COG8: variants seen among roughly 807,000 people sequenced by gnomAD.
The protein encoded by COG8 is component of oligomeric golgi complex 8, also known as conserved oligomeric Golgi complex subunit 8.
COG8 carries 45 observed loss-of-function variants against 46.5 expected under a neutral mutation model. The observed-to-expected ratio is 0.97, with a 90% CI of 0.76 to 1.24. The LOEUF is 1.24. Among genes scored for constraint, COG8 ranks in the 50% most tolerant of loss-of-function variants. COG8 has a pLI of 0.00. For synonymous variants in COG8, 407 were observed against 347.8 expected (o/e 1.17, Z -1.90); for missense variants, 793 against 820.8 (o/e 0.97, Z 0.41).
rs530859074 is a variant in COG8, at chr16:69,335,108, C to T, written c.826G>A (p.Glu276Lys). ...DPYFHITKTIEASRVHLFDII... is the reference protein window; with the variant it reads ...DPYFHITKTIKASRVHLFDII... ...TCAAAGAGATGGACACGGGAGGCCT[C>T]GATGGTTTTTGTAATATGGAAATAG... Residue 276 changes from glutamate (E) to lysine (K), a missense_variant, in exon 3 of 6, where the codon GAG becomes AAG. Coordinates refer to ENST00000306875, the MANE Select transcript of COG8 (RefSeq NM_032382.5). 16 of 1,614,022 alleles carry T rather than the reference C, an allele frequency of 9.9e-6. No individual in the cohort carries two copies. In the South Asian group the frequency reaches 1.1e-4, roughly 11 times the overall value.
intron 5 of COG8, 72 bp from the exon 6 acceptor site, chr16:69,329,251 C>T (rs951793286): frequency 7.7e-6 from 11 of 1,429,194 alleles, no homozygotes; most frequent in African/African-American, 1.5e-5. Flanking sequence ...CCTACCCCTG[C>T]CCCCGGTCCT....
Position 69,327,936 on chromosome 16 carries a change from A to C in COG8, c.*1270T>G, listed in dbSNP as rs1468915573. 2 of 152,094 alleles carry C rather than the reference A, an allele frequency of 1.3e-5. No homozygotes were observed. Among genetic ancestry groups the C allele is most frequent in the Non-Finnish European group, 2.9e-5 (2 of 68,020 alleles). 9.4% of individuals were successfully genotyped at this position (152,094 alleles called of 1,614,324 possible). On this transcript the variant is annotated 3_prime_UTR_variant, in exon 6 of 6. Transcript: ENST00000306875. ...ACTTTTTTTTTTTGAGACAGAGAAA[A>C]AAAGAAAACTCTACAGCCAGAATCA...
At chr16:69,329,244 A>C (rs1597219078) in intron 5 of COG8, 65 bp from the exon 6 acceptor site, 3 of 1,448,000 alleles carry the variant, frequency 2.1e-6, no homozygotes, top group Admixed American at 2.8e-5. Flanking sequence ...CAACCTCCCT[A>C]CCCCTGCCCC....
rs2011773177 is a variant in COG8, at chr16:69,330,903, C to A, written c.1775G>T (p.Gly592Val). 1 of 1,552,396 alleles carries A rather than the reference C, an allele frequency of 6.4e-7. No individual in the cohort carries two copies. The change falls in exon 5 of 6, where the codon GGC (glycine) becomes GTC (valine). Residue 592 changes from glycine to valine, a missense_variant. Transcript: ENST00000306875. Reference protein sequence around the residue: ...PAEEPRLEPAGPACPEGGRAE... With the variant: ...PAEEPRLEPAVPACPEGGRAE... ...TCGCCCTCCCTCCGGGCAGGCTGGG[C>A]CCGCGGGCTCCAGGCGTGGCTCCTC...
intron 1 of COG8, chr16:69,338,180 G>C (rs987398745): frequency 2.0e-5 from 3 of 151,568 alleles, no homozygotes; most frequent in African/African-American, 7.3e-5. Context: ...GGGCCCAACT[G>C]ACCCCCCCAC....
chr16:69,329,310 C>T (rs1452198703), intron 5 of COG8, 131 bp from the exon 6 acceptor site: 2 of 951,048 alleles, frequency 2.1e-6, no homozygotes, highest in Non-Finnish European at 2.9e-6. Flanking sequence ...ATGTAGACAG[C>T]AGCTCCTCTT....
At chr16:69,329,766 G>A (rs1000204668) in intron 5 of COG8, among the ~76,000 whole-genome samples, 1 of 152,260 alleles carries the variant, frequency 6.6e-6, no homozygotes, top group Non-Finnish European at 1.5e-5. Context: ...CAGACGCCAG[G>A]CTGTCAGGTA....
rs1244051339 is a variant in COG8, at chr16:69,334,788, T to C, written c.1146A>G (p.Ala382=). ...QRVAISTFQK[A]IQETVEKFQE... ...GGAATTTCTCCACTGTTTCCTGAAT[T>C]GCTTTCTGGAAAGTGCTGATGGCCA... The change falls in exon 3 of 6, where the codon GCA becomes GCG. Residue 382 remains alanine, a synonymous_variant. Coordinates refer to ENST00000306875, the MANE Select transcript of COG8 (RefSeq NM_032382.5). 6.2e-7 allele frequency: 1 copy of C among 1,614,164 alleles called. No homozygotes were observed. Among genetic ancestry groups the C allele is most frequent in the Admixed American group, 1.7e-5 (1 of 60,036 alleles).
chr16:69,339,199 C>G lies in COG8; in HGVS notation c.354G>C (p.Leu118Phe), dbSNP rs376229451. 1 of 1,612,832 alleles carries G rather than the reference C, an allele frequency of 6.2e-7. No homozygotes were observed. The highest frequency in any genetic ancestry group is 1.3e-5 in the African/African-American group (1 of 74,940). Residue 118 changes from leucine to phenylalanine, a missense_variant, in exon 1 of 6, where the codon TTG becomes TTC. Leu to Phe is a conservative substitution (Grantham distance 22, BLOSUM62 0). Transcript: ENST00000306875. ...ACCTGCAGCTCTGCTGGAAGCTGGG[C>G]AAACGGTCGAGCAGGCGGCCGAGCG... ...EASLGRLLDR[L>F]PSFQQSCRNF...
chr16:69,328,729 G>C lies in COG8; in HGVS notation c.*477C>G, dbSNP rs2143295512. 3 of 378,218 alleles carry C rather than the reference G, an allele frequency of 7.9e-6. No individual in the cohort carries two copies. The highest frequency in any genetic ancestry group is 7.0e-4 in the Middle Eastern group (1 of 1,430). 23.4% of individuals were successfully genotyped at this position (378,218 alleles called of 1,614,324 possible). A position where few individuals can be genotyped will look rare whatever the true frequency, so the allele number is the denominator to read the frequency against. The stretch of plus-strand genomic sequence containing the variant: ...GATTATACAGGTCCGAGGAACTCGT[G>C]TCTACTGCAGACGAATGCAATTACC... On this transcript the variant is annotated 3_prime_UTR_variant, in exon 6 of 6. Transcript: ENST00000306875.
At chr16:69,331,355 A>G (rs915771016) in intron 4 of COG8, among the ~76,000 whole-genome samples, 1 of 149,498 alleles carries the variant, frequency 6.7e-6, no homozygotes, top group Non-Finnish European at 1.5e-5. Flanking sequence ...GGGAAGGCTA[A>G]GGCAGGAGAA....
chr16:69,330,296 A>G (rs1258377779), intron 5 of COG8: 24 of 1,428,884 alleles, frequency 1.7e-5, no homozygotes, highest in Non-Finnish European at 2.1e-5. Flanking sequence ...CAGCCGCTGC[A>G]GCTCGGGCCC....
intron 4 of COG8, among the ~76,000 whole-genome samples, chr16:69,331,800 C>T (rs1399090211): frequency 6.6e-6 from 1 of 152,106 alleles, no homozygotes; most frequent in Non-Finnish European, 1.5e-5. Context: ...TGCGCCCAGC[C>T]ATCAATTACT....
chr16:69,332,147 T>G (rs979905981), intron 4 of COG8, among the ~76,000 whole-genome samples: 3 of 152,110 alleles, frequency 2.0e-5, no homozygotes, highest in Non-Finnish European at 4.4e-5. Context: ...GGTCAAGAGA[T>G]AGAGACCATC....
chr16:69,339,447 G>T lies in COG8; in HGVS notation c.106C>A (p.Pro36Thr). 1 of 1,594,048 alleles carries T rather than the reference G, an allele frequency of 6.3e-7. No individual in the cohort carries two copies. ...LLASLFRDRF[P>T]EAQWRERPDV... The stretch of plus-strand genomic sequence containing the variant: ...GGCCGCTCGCGCCACTGGGCCTCGG[G>T]GAAGCGGTCCCGGAACAGCGACGCC... The change falls in exon 1 of 6, where the codon CCC (proline) becomes ACC (threonine). Residue 36 changes from proline (P) to threonine (T), a missense_variant. Coordinates refer to ENST00000306875, the MANE Select transcript of COG8 (RefSeq NM_032382.5).
Position 69,335,040 on chromosome 16 carries a change from T to A in COG8, c.894A>T (p.Pro298=). 6.2e-7 allele frequency: 1 copy of A among 1,614,084 alleles called. No individual in the cohort carries two copies. The highest frequency in any genetic ancestry group is 2.2e-5 in the East Asian group (1 of 44,884). Residue 298 remains proline (P), a synonymous_variant, in exon 3 of 6, where the codon CCA becomes CCT. Transcript: ENST00000306875. The part of the protein sequence containing the change: ...QYRAIFSDED[P]LLPPAMGEHT... ...GCTCACCCATGGCAGGGGGCAGCAG[T>A]GGGTCCTCGTCTGAGAAGATGGCAC...
chr16:69,337,306 A>G (rs1408326630), intron 1 of COG8, among the ~76,000 whole-genome samples: 2 of 151,834 alleles, frequency 1.3e-5, no homozygotes, highest in Non-Finnish European at 2.9e-5. Context: ...AAAAGTATAT[A>G]GGACCCTCCT....
chr16:69,338,822 T>C (rs1358803263), intron 1 of COG8, among the ~76,000 whole-genome samples: 1 of 152,160 alleles, frequency 6.6e-6, no homozygotes, highest in Non-Finnish European at 1.5e-5. Context: ...ACCCCGTCTC[T>C]ACTAAAAATC....
chr16:69,336,304 T>G (rs1356479946), intron 2 of COG8, among the ~76,000 whole-genome samples: 2 of 152,222 alleles, frequency 1.3e-5, no homozygotes, highest in Non-Finnish European at 2.9e-5. Context: ...TTATTCACAC[T>G]GTATCCCCAG....
Sources: allele counts gnomAD v4.1 joint callset (sites outside exome capture counted in the v4.1 genomes callset), GRCh38; gene constraint gnomAD v4.1.1; transcripts MANE v1.5; gene names NCBI Gene and HGNC (gene_info 2026-07-23, HGNC 2026-07-21).